CEP83: variants seen among roughly 807,000 people sequenced by gnomAD.
CEP83 encodes centrosomal protein of 83 kDa.
CEP83 carries 70 observed loss-of-function variants against 101.9 expected under a neutral mutation model. The observed-to-expected ratio is 0.69, with a 90% confidence interval of 0.57 to 0.84. The LOEUF (loss-of-function observed/expected upper bound fraction) is 0.84. CEP83 is among the 40% of genes least tolerant of loss of function. The pLI is 0.00. For synonymous variants in CEP83, 264 were observed against 267.9 expected (o/e 0.99, Z 0.14); for missense variants, 715 against 787.2 (o/e 0.91, Z 1.10).
At chr12:94,445,142 A>G (rs1310583434) in intron 1 of CEP83, among the ~76,000 whole-genome samples, 1 of 152,198 alleles carries the variant, frequency 6.6e-6, no homozygotes, top group East Asian at 1.9e-4. Context: ...AAAATCCATT[A>G]AACAAAAAAG....
At chr12:94,413,644 A>G (rs1291239735) in intron 2 of CEP83, among the ~76,000 whole-genome samples, 1 of 152,186 alleles carries the variant, frequency 6.6e-6, no homozygotes, top group Non-Finnish European at 1.5e-5. Context: ...TGTGTTATAC[A>G]CTGTGTTAAG....
chr12:94,297,402 G>C, the CEP83 span: 5 of 1,613,194 alleles, frequency 3.1e-6, no homozygotes, highest in East Asian at 1.1e-4. Context: ...AAATGTATCT[G>C]ACAAAGCTGC....
intron 14 of CEP83, among the ~76,000 whole-genome samples, chr12:94,325,295 CCT>C (rs1482665380): frequency 6.6e-6 from 1 of 152,172 alleles, no homozygotes; most frequent in Non-Finnish European, 1.5e-5. Context: ...GCCTTAGCCC[CCT>C]GACTAGCTGG....
downstream of CEP83, among the ~76,000 whole-genome samples, chr12:94,303,304 G>C (rs539330363): frequency 6.6e-6 from 1 of 152,072 alleles, no homozygotes; most frequent in Non-Finnish European, 1.5e-5. Context: ...TTACTTACCA[G>C]TTTCATGGTT....
chr12:94,447,648 G>C (rs1345610636), intron 1 of CEP83, among the ~76,000 whole-genome samples: 2 of 152,068 alleles, frequency 1.3e-5, no homozygotes, highest in African/African-American at 4.8e-5. Flanking sequence ...AATAATTATA[G>C]TACTGTGTCG....
chr12:94,411,983 A>C (rs2063913987), intron 3 of CEP83, 136 bp from the exon 4 acceptor site: 1 of 736,740 alleles, frequency 1.4e-6, no homozygotes, highest in African/African-American at 1.8e-5. Flanking sequence ...AGTATCTTTT[A>C]TTTACAGAGT....
chr12:94,331,663 T>C, intron 14 of CEP83, 37 bp downstream of exon 14: 2 of 1,606,530 alleles, frequency 1.2e-6, no homozygotes, highest in Admixed American at 1.7e-5. Flanking sequence ...TGAGCCACCA[T>C]GCCTGGCCAG....
chr12:94,354,336 C>G (rs114375408), intron 11 of CEP83, among the ~76,000 whole-genome samples: 14,598 of 151,998 alleles, frequency 0.096, 803 homozygotes, highest in Admixed American at 0.15. Context: ...CACGCACCAC[C>G]AAACCCAATC....
chr12:94,290,443 G>A, the CEP83 span, among the ~76,000 whole-genome samples: 1 of 152,276 alleles, frequency 6.6e-6, no homozygotes, highest in Non-Finnish European at 1.5e-5. Flanking sequence ...GAAGAGCTCA[G>A]TAAGAGTTAA....
intron 1 of CEP83, among the ~76,000 whole-genome samples, chr12:94,449,485 G>A (rs754486717): frequency 2.0e-5 from 3 of 151,958 alleles, no homozygotes; most frequent in Non-Finnish European, 2.9e-5. Flanking sequence ...GACTGGGCAT[G>A]GTGGCTTAAG....
chr12:94,294,857 A>C, the CEP83 span, among the ~76,000 whole-genome samples: 2 of 152,156 alleles, frequency 1.3e-5, no homozygotes, highest in Non-Finnish European at 2.9e-5. Context: ...CTAACAGAGG[A>C]GATCCCCCTG....
In CEP83 at chr12:94,308,046, G is replaced by A. The variant is rs1969265301; in HGVS notation, c.*767C>T. On this transcript the variant is annotated 3_prime_UTR_variant, in exon 17 of 17. Transcript: ENST00000397809. ...CAAAAAAAATGAGAGCATACTTAGG[G>A]ACACAAAACACATAATTATTTGGTT... 6.6e-6 allele frequency: 1 copy of A among 152,000 alleles called. No individual in the cohort carries two copies. The highest frequency in any genetic ancestry group is 2.1e-4 in the South Asian group (1 of 4,828). 9.4% of individuals were successfully genotyped at this position (152,000 alleles called of 1,614,324 possible). A position where few individuals can be genotyped will look rare whatever the true frequency, so the allele number is the denominator to read the frequency against.
At chr12:94,331,607 C>A in intron 14 of CEP83, 93 bp downstream of exon 14, 2 of 1,054,304 alleles carry the variant, frequency 1.9e-6, no homozygotes, top group Non-Finnish European at 1.4e-6. Flanking sequence ...CTCCTGACCT[C>A]GTGATCCACC....
intron 14 of CEP83, among the ~76,000 whole-genome samples, chr12:94,329,697 A>G (rs2059124112): frequency 6.6e-6 from 1 of 152,214 alleles, no homozygotes; most frequent in South Asian, 2.1e-4. Flanking sequence ...AACACAGTGC[A>G]AACAAAAATC....
chr12:94,371,508 A>C (rs886131241), intron 8 of CEP83, among the ~76,000 whole-genome samples: 1 of 152,232 alleles, frequency 6.6e-6, no homozygotes, highest in Non-Finnish European at 1.5e-5. Flanking sequence ...TAAGGATTTA[A>C]TCAATACAAA....
At chr12:94,347,050 A>AATATATATATATATATATAT (rs137940620) in intron 11 of CEP83, among the ~76,000 whole-genome samples, 32 of 132,012 alleles carry the variant, frequency 2.4e-4, no homozygotes, top group Non-Finnish European at 3.3e-4. Context: ...AAAATAAACA[A>AATATATATATATATATATAT]ATATATATAT....
At chr12:94,274,223 T>C in the CEP83 span, among the ~76,000 whole-genome samples, 2 of 147,176 alleles carry the variant, frequency 1.4e-5, no homozygotes, top group East Asian at 4.0e-4. Context: ...CTGTAGTCTC[T>C]GCTATGTGGG....
chr12:94,407,134 C>A (rs903493166), intron 4 of CEP83, among the ~76,000 whole-genome samples: 2 of 151,922 alleles, frequency 1.3e-5, no homozygotes, highest in African/African-American at 4.8e-5. Context: ...CATCAGCAAG[C>A]TATGGCAGAA....
At chr12:94,311,608 C>A (rs1320942475) in intron 15 of CEP83, among the ~76,000 whole-genome samples, 1 of 152,166 alleles carries the variant, frequency 6.6e-6, no homozygotes, top group Non-Finnish European at 1.5e-5. Context: ...TAGGAAAAAA[C>A]CCCAAACATC....
Sources: gnomAD v4.1 joint callset for allele counts (sites outside exome capture counted in the v4.1 genomes callset) on GRCh38, gnomAD v4.1.1 for gene constraint, MANE v1.5 for transcripts, NCBI Gene and HGNC (gene_info 2026-07-23, HGNC 2026-07-21) for gene names.